NAV2: variants seen among roughly 807,000 people sequenced by gnomAD.
NAV2 encodes the protein neuron navigator 2, also known as helicase, APC down-regulated 1.
NAV2 carries 54 observed loss-of-function variants against 223.2 expected under a neutral mutation model. The observed-to-expected ratio is 0.24, with a 90% CI of 0.19 to 0.30. The LOEUF is 0.30. Among genes scored for constraint, NAV2 ranks in the 10% least tolerant of loss-of-function variants. The probability of loss-of-function intolerance (pLI) is 1.00; values close to 1 mark genes in which losing one functional copy is unlikely to be tolerated. For missense variants in NAV2, 2,806 were observed against 3,147.5 expected (o/e 0.89, Z 2.60); for synonymous variants, 1,279 against 1,239.3 (o/e 1.03, Z -0.67).
At position 19,527,937 on chromosome 11, in the gene NAV2, G is replaced by GACACACACACACAC. The variant is rs67561376; in HGVS notation, c.75+176932_75+176945dup. On this transcript the variant is annotated intron_variant, in intron 1 of 37. Coordinates refer to the NAV2 transcript ENST00000360655. ...TCACAAGGAGATAGCTCCCTGCCCT[G>GACACACACACACAC]ACACACACACACACACACACACACA... 2.6e-3 allele frequency among the ~76,000 whole-genome samples: 369 copies of GACACACACACACAC among 143,320 alleles called. 8 individuals are homozygous for GACACACACACACAC. The highest frequency in any genetic ancestry group is 8.4e-3 in the African/African-American group (310 of 37,084). The allele number at this position is 143,320 out of a possible 152,430, so 94.0% of individuals were successfully genotyped here.
intron 5 of NAV2, 132 bp downstream of exon 5, chr11:19,880,259 G>C: frequency 7.8e-7 from 1 of 1,286,764 alleles, no homozygotes; most frequent in African/African-American, 1.5e-5. Context: ...TGGTTAGTGG[G>C]AAATTAGCAT....
intron 1 of NAV2, among the ~76,000 whole-genome samples, chr11:19,704,312 T>C (rs1283534756): frequency 6.6e-6 from 1 of 152,194 alleles, no homozygotes; most frequent in African/African-American, 2.4e-5. Flanking sequence ...AGGAGTGCTG[T>C]GGGGATTCAT....
At chr11:19,367,046 C>T (rs1027263390) in intron 1 of NAV2, among the ~76,000 whole-genome samples, 1 of 152,174 alleles carries the variant, frequency 6.6e-6, no homozygotes, top group African/African-American at 2.4e-5. Flanking sequence ...GACAAGTACA[C>T]TGAGGCCCAG....
chr11:19,978,118 C>T (rs1402930574), intron 10 of NAV2, among the ~76,000 whole-genome samples: 1 of 151,250 alleles, frequency 6.6e-6, no homozygotes, highest in East Asian at 1.9e-4. Flanking sequence ...AGCCACCACA[C>T]CCAGCAAGGT....
chr11:19,877,114 C>A (rs945688589), intron 4 of NAV2, among the ~76,000 whole-genome samples: 4 of 151,976 alleles, frequency 2.6e-5, no homozygotes, highest in Non-Finnish European at 5.9e-5. Flanking sequence ...AGATTCAAAT[C>A]CCAGCTCCAG....
At chr11:19,937,088 T>A (rs1325771534) in intron 7 of NAV2, among the ~76,000 whole-genome samples, 2 of 152,080 alleles carry the variant, frequency 1.3e-5, no homozygotes, top group Non-Finnish European at 2.9e-5. Context: ...CAGTGAGCCA[T>A]GATCACGCCA....
At chr11:19,889,534 A>G (rs1166497566) in intron 5 of NAV2, among the ~76,000 whole-genome samples, 1 of 152,228 alleles carries the variant, frequency 6.6e-6, no homozygotes, top group Non-Finnish European at 1.5e-5. Context: ...GCTATATGCA[A>G]ACCATTCGCC....
chr11:19,769,531 A>G (rs748517525), intron 1 of NAV2, among the ~76,000 whole-genome samples: 5 of 152,146 alleles, frequency 3.3e-5, no homozygotes, highest in Admixed American at 6.5e-5. Context: ...GACCAGACCC[A>G]GAGTGCCAGC....
rs140548628 is a variant in NAV2 at position 20,048,731 on chromosome 11, C to A, written c.3906C>A (p.Leu1302=). The A allele has an allele frequency of 6.2e-7, 1 of 1,613,730 alleles. No homozygotes were observed. Residue 1302 remains leucine, a synonymous_variant, in exon 15 of 38, where the codon CTC becomes CTA. Transcript: ENST00000349880. ...PDVASPTLRR[L]FGGKPTKQVP... ...ACAACCCTTTGTCTCTTCACAGACT[C>A]TTTGGTGGGAAGCCTACCAAGCAAG...
At chr11:19,617,441 G>GA (rs2046832021) in intron 1 of NAV2, among the ~76,000 whole-genome samples, 1 of 152,128 alleles carries the variant, frequency 6.6e-6, no homozygotes. Context: ...GTAATGGGGG[G>GA]ATAACAGGCT....
chr11:19,489,977 G>A (rs1157434886), intron 1 of NAV2, among the ~76,000 whole-genome samples: 1 of 152,028 alleles, frequency 6.6e-6, no homozygotes, highest in African/African-American at 2.4e-5. Context: ...CCAGACCAGC[G>A]CAATAAAGTG....
chr11:19,364,206 A>T (rs938817523), intron 1 of NAV2, among the ~76,000 whole-genome samples: 1 of 152,302 alleles, frequency 6.6e-6, no homozygotes, highest in Non-Finnish European at 1.5e-5. Flanking sequence ...AATGCTTGTT[A>T]TGAATAACAA....
At chr11:19,936,591 C>T (rs887734226) in intron 7 of NAV2, among the ~76,000 whole-genome samples, 1 of 152,120 alleles carries the variant, frequency 6.6e-6, no homozygotes, top group Admixed American at 6.5e-5. Flanking sequence ...TGGGAAGTGA[C>T]GCTGGAAATA....
intron 1 of NAV2, among the ~76,000 whole-genome samples, chr11:19,549,566 C>T (rs746916821): frequency 1.3e-5 from 2 of 152,230 alleles, no homozygotes; most frequent in Non-Finnish European, 1.5e-5. Context: ...AACCCCCCTC[C>T]TACCAATCGT....
At chr11:19,469,548 A>T (rs182997322) in intron 1 of NAV2, among the ~76,000 whole-genome samples, 3 of 151,886 alleles carry the variant, frequency 2.0e-5, no homozygotes, top group Non-Finnish European at 4.4e-5. Context: ...TTCAGCCTTC[A>T]CCCTCCTGAA....
chr11:19,900,268 GA>G (rs2042334904), intron 6 of NAV2, among the ~76,000 whole-genome samples: 1 of 151,742 alleles, frequency 6.6e-6, no homozygotes, highest in Non-Finnish European at 1.5e-5. Context: ...CAGATCACTG[GA>G]GGAATAAACA....
At chr11:19,435,726 A>G (rs1157303501) in intron 1 of NAV2, among the ~76,000 whole-genome samples, 1 of 152,142 alleles carries the variant, frequency 6.6e-6, no homozygotes, top group Admixed American at 6.5e-5. Flanking sequence ...CCATAGTCTC[A>G]CCAACACTTG....
chr11:19,410,719 T>G (rs537589615), intron 1 of NAV2, among the ~76,000 whole-genome samples: 138 of 152,344 alleles, frequency 9.1e-4, no homozygotes, highest in African/African-American at 3.2e-3. Context: ...CTGTGTGTCC[T>G]TCATGACATT....
chr11:20,003,986 G>A (rs1210924082), intron 11 of NAV2, among the ~76,000 whole-genome samples: 2 of 152,184 alleles, frequency 1.3e-5, no homozygotes, highest in Non-Finnish European at 2.9e-5. Context: ...GTGAGTTCAG[G>A]AATATTTGAG....
Sources: allele counts gnomAD v4.1 joint callset (sites outside exome capture counted in the v4.1 genomes callset), GRCh38; gene constraint gnomAD v4.1.1; transcripts MANE v1.5; gene names NCBI Gene and HGNC (gene_info 2026-07-23, HGNC 2026-07-21).